TRIM71: variants seen among roughly 807,000 people sequenced by gnomAD.
TRIM71 encodes E3 ubiquitin-protein ligase TRIM71.
A neutral mutation model predicts 61.2 loss-of-function variants in TRIM71; 9 were observed. The ratio of observed to expected loss-of-function variants is 0.15; its 90% CI spans 0.09 to 0.26. The LOEUF (loss-of-function observed/expected upper bound fraction) is 0.26. TRIM71 is among the 10% of genes least tolerant of loss of function. The pLI, the probability that TRIM71 is intolerant of heterozygous loss-of-function variation, is 1.00. For synonymous variants in TRIM71, 645 were observed against 553.2 expected (o/e 1.17, Z -2.33); for missense variants, 998 against 1,238.7 (o/e 0.81, Z 2.92).
At chr3:32,873,669 A>G (rs1466679661) in intron 1 of TRIM71, 149 bp from the exon 2 acceptor site, 1 of 646,802 alleles carries the variant, frequency 1.5e-6, no homozygotes, top group Non-Finnish European at 2.5e-6. Context: ...GTTTGCAGTT[A>G]CGCCACTGCT....
In TRIM71 at chr3:32,818,176, G is replaced by C. The variant is rs1216645187; in HGVS notation, c.96G>C (p.Ser32=). 3.1e-6 allele frequency: 5 copies of C among 1,600,634 alleles called. No homozygotes were observed. In the South Asian group the frequency reaches 3.3e-5, roughly 11 times the overall value. The stretch of plus-strand genomic sequence containing the variant: ...CGCTCTCCTCCAACTCGTCCGCGTC[G>C]TCGTCCTCCTCGCAGACGTCCACGT... ...PAPLSSNSSA[S]SSSSQTSTSS... is the part of the protein sequence containing the mutation. Residue 32 remains serine, a synonymous_variant, in exon 1 of 4, where the codon TCG becomes TCC. Coordinates refer to ENST00000383763, the MANE Select transcript of TRIM71 (RefSeq NM_001039111.3).
chr3:32,875,730 T>G (rs1272372102), intron 2 of TRIM71, among the ~76,000 whole-genome samples: 1 of 151,916 alleles, frequency 6.6e-6, no homozygotes. Context: ...CAGCTACTTG[T>G]GGGGCTGAGG....
At position 32,818,516 on chromosome 3, in the gene TRIM71, C is replaced by G. The variant is rs1052701964; in HGVS notation, c.436C>G (p.His146Asp). 1.4e-5 allele frequency: 20 copies of G among 1,413,146 alleles called. No individual in the cohort carries two copies. The highest frequency in any genetic ancestry group is 1.8e-5 in the Non-Finnish European group (20 of 1,087,166). The allele number at this position is 1,413,146 out of a possible 1,614,324, so 87.5% of individuals were successfully genotyped here. The change falls in exon 1 of 4, where the codon CAC (histidine) becomes GAC (aspartate). Residue 146 changes from histidine to aspartate, a missense_variant. His to Asp is a moderately conservative substitution (Grantham distance 81). Coordinates refer to ENST00000383763, the MANE Select transcript of TRIM71 (RefSeq NM_001039111.3). ...RAGAPAGAGG[H>D]SNHRHHAHHA... Reference sequence around the variant, plus strand: ...CGGCGCTCCGGCGGGAGCGGGCGGCCACAGCAACCACCGGCACCACGCTCA... The same window carrying G: ...CGGCGCTCCGGCGGGAGCGGGCGGCGACAGCAACCACCGGCACCACGCTCA...
At chr3:32,875,577 G>A (rs973339547) in intron 2 of TRIM71, among the ~76,000 whole-genome samples, 1 of 152,296 alleles carries the variant, frequency 6.6e-6, no homozygotes, top group Non-Finnish European at 1.5e-5. Context: ...AGTGGCTCAC[G>A]CCTGTGTAAT....
intron 3 of TRIM71, among the ~76,000 whole-genome samples, chr3:32,888,434 C>CAAAAAAAAAAAAAAAAAAAA (rs56834147): frequency 1.0e-5 from 1 of 95,840 alleles, no homozygotes; most frequent in African/African-American, 4.5e-5. Context: ...CCATCTCTAC[C>CAAAAAAAAAAAAAAAAAAAA]AAAAAAAAAA....
At chr3:32,844,172 G>A (rs2125679899) in intron 1 of TRIM71, among the ~76,000 whole-genome samples, 1 of 152,108 alleles carries the variant, frequency 6.6e-6, no homozygotes, top group South Asian at 2.1e-4. Context: ...GTTAGCCCTG[G>A]GGCTCCCTAC....
At chr3:32,847,061 A>G (rs768353565) in intron 1 of TRIM71, among the ~76,000 whole-genome samples, 13 of 151,900 alleles carry the variant, frequency 8.6e-5, no homozygotes, top group Non-Finnish European at 1.5e-4. Flanking sequence ...GTTTTGTTTG[A>G]GTTTCTGTCA....
intron 1 of TRIM71, among the ~76,000 whole-genome samples, chr3:32,853,550 T>C (rs1696563340): frequency 6.6e-6 from 1 of 152,248 alleles, no homozygotes; most frequent in Non-Finnish European, 1.5e-5. Context: ...TTTAAGGAAG[T>C]GCTTCATTCC....
intron 1 of TRIM71, among the ~76,000 whole-genome samples, chr3:32,838,455 T>C: frequency 6.6e-6 from 1 of 151,324 alleles, no homozygotes; most frequent in East Asian, 1.9e-4. Context: ...AACTCCTGAC[T>C]CAAGTGATCC....
chr3:32,818,312 G>T lies in TRIM71; in HGVS notation c.232G>T (p.Ala78Ser). The change falls in exon 1 of 4, where the codon GCG becomes TCG. Residue 78 changes from alanine to serine, a missense_variant. Ala to Ser is a moderately conservative substitution (Grantham distance 99, BLOSUM62 1). This residue lies in a region of TRIM71 where 527 missense variants were observed against 427.8 expected (regional missense o/e 1.23). Transcript: ENST00000383763. ...CCTCGAGGCGCACCGGCTGCCGGCG[G>T]CGGGCGGCGGCGCGGCGGGAGAGCC... is the stretch of plus-strand genomic sequence containing the variant. ...PCLEAHRLPA[A>S]GGGAAGEPLK... is the part of the protein sequence containing the mutation. 7.0e-6 allele frequency: 10 copies of T among 1,436,142 alleles called. No homozygotes were observed. Among genetic ancestry groups the T allele is most frequent in the South Asian group, 1.4e-5 (1 of 73,732 alleles). The allele number at this position is 1,436,142 out of a possible 1,614,324, so 89.0% of individuals were successfully genotyped here.
intron 1 of TRIM71, among the ~76,000 whole-genome samples, chr3:32,824,265 C>T (rs2125673930): frequency 6.6e-6 from 1 of 151,720 alleles, no homozygotes; most frequent in South Asian, 2.1e-4. Context: ...ACAACCTCCA[C>T]CTCACGGGTT....
chr3:32,885,497 G>C (rs530927543), intron 2 of TRIM71, among the ~76,000 whole-genome samples: 1 of 152,126 alleles, frequency 6.6e-6, no homozygotes, highest in Non-Finnish European at 1.5e-5. Context: ...CTACCCTGTC[G>C]CACACCCTCA....
At chr3:32,871,929 G>A (rs1204953567) in intron 1 of TRIM71, among the ~76,000 whole-genome samples, 4 of 152,226 alleles carry the variant, frequency 2.6e-5, no homozygotes, top group Non-Finnish European at 4.4e-5. Flanking sequence ...GGATCACGAG[G>A]TCAGAAGATC....
chr3:32,830,209 CACCGTGTCCA>C (rs1269997810), intron 1 of TRIM71, among the ~76,000 whole-genome samples: 2 of 152,218 alleles, frequency 1.3e-5, no homozygotes, highest in East Asian at 3.9e-4. Context: ...AGGTGTGAGC[CACCGTGTCCA>C]GCCTCTAAAT....
At chr3:32,849,347 C>CTGGA (rs1412351647) in intron 1 of TRIM71, among the ~76,000 whole-genome samples, 1 of 151,892 alleles carries the variant, frequency 6.6e-6, no homozygotes, top group African/African-American at 2.4e-5. Context: ...TGCATAGGGC[C>CTGGA]TGGAGTTTTT....
At chr3:32,860,447 C>T (rs770181512) in intron 1 of TRIM71, among the ~76,000 whole-genome samples, 2 of 152,112 alleles carry the variant, frequency 1.3e-5, no homozygotes, top group Non-Finnish European at 2.9e-5. Context: ...TGAGCTACTG[C>T]ACCTGACCCC....
intron 1 of TRIM71, among the ~76,000 whole-genome samples, chr3:32,868,137 G>GTAGA (rs1161602854): frequency 2.0e-5 from 3 of 152,082 alleles, no homozygotes; most frequent in African/African-American, 7.2e-5. Flanking sequence ...CCAAGCAGGA[G>GTAGA]TAGATCTTAA....
rs142213689 is a variant in TRIM71, at chr3:32,863,586, A to T, written c.853-10232A>T. On this transcript the variant is annotated intron_variant, in intron 1 of 3. Transcript: ENST00000383763. Reference sequence around the variant, plus strand: ...CGTTGAGTTTTATCTTCATATATTAATAAATGGAGTTATGCAATATATTCT... The same window carrying T: ...CGTTGAGTTTTATCTTCATATATTATTAAATGGAGTTATGCAATATATTCT... Among the ~76,000 whole-genome samples the T allele has an allele frequency of 2.2e-3, 335 of 152,286 alleles. 1 individual carries two copies. Among genetic ancestry groups the T allele is most frequent in the Middle Eastern group, 0.017 (5 of 294 alleles).
intron 1 of TRIM71, among the ~76,000 whole-genome samples, chr3:32,867,999 C>T (rs1223677835): frequency 3.9e-5 from 6 of 151,998 alleles, no homozygotes; most frequent in African/African-American, 1.5e-4. Flanking sequence ...ATGAAGCAGC[C>T]CCGCTTAATC....
Sources: allele counts gnomAD v4.1 joint callset (sites outside exome capture counted in the v4.1 genomes callset), GRCh38; gene constraint gnomAD v4.1.1; regional missense constraint gnomAD v4.1.1; transcripts MANE v1.5; gene names NCBI Gene and HGNC (gene_info 2026-07-23, HGNC 2026-07-21).